BACH2: variants seen among roughly 807,000 people sequenced by gnomAD.
BACH2 encodes the protein transcription regulator protein BACH2.
In BACH2, 5 loss-of-function variants were observed where a neutral mutation model predicts 61.8. The ratio of observed to expected loss-of-function variants is 0.08; its 90% CI spans 0.04 to 0.17. BACH2 has a LOEUF of 0.17. Ranked by LOEUF, BACH2 falls within the 10% of genes least tolerant of loss-of-function variation. The pLI is 1.00. For missense variants in BACH2, 824 were observed against 1,091.1 expected, an observed-to-expected ratio of 0.76 and a Z score of 3.45; for synonymous variants, 446 against 440.1, an observed-to-expected ratio of 1.01 and a Z score of -0.17.
chr6:90,159,959 A>AT (rs1278766914), intron 4 of BACH2, among the ~76,000 whole-genome samples: 2 of 152,164 alleles, frequency 1.3e-5, no homozygotes, highest in Non-Finnish European at 2.9e-5. Flanking sequence ...AGGAATCATA[A>AT]TTTTTTTCAA....
intron 4 of BACH2, among the ~76,000 whole-genome samples, chr6:90,185,691 T>C (rs905128187): frequency 1.3e-5 from 2 of 152,182 alleles, no homozygotes; most frequent in Non-Finnish European, 2.9e-5. Context: ...TTATGAGGGT[T>C]GGGGAAGGCC....
Position 89,959,203 on chromosome 6 carries a change from C to T in BACH2, c.244-7341G>A, listed in dbSNP as rs993744446. Among the ~76,000 whole-genome samples, 6 of 151,700 alleles carry T rather than the reference C, an allele frequency of 4.0e-5. No homozygotes were observed. The East Asian group carries it at 1.2e-3, about 30-fold the overall frequency. On this transcript the variant is annotated intron_variant, in intron 6 of 8. Coordinates refer to ENST00000257749, the MANE Select transcript of BACH2 (RefSeq NM_021813.4). ...CCCTGATTTGAGGAGGGGGTGATGG[C>T]ATCCCAGGGTGGAGGTCAAACAGTA...
At chr6:90,070,918 C>G (rs1224350007) in intron 5 of BACH2, among the ~76,000 whole-genome samples, 1 of 152,212 alleles carries the variant, frequency 6.6e-6, no homozygotes, top group East Asian at 1.9e-4. Context: ...GACACCCTCT[C>G]CATTCCTCAT....
intron 7 of BACH2, among the ~76,000 whole-genome samples, chr6:89,943,188 C>T (rs1178678833): frequency 6.6e-6 from 1 of 152,118 alleles, no homozygotes; most frequent in Non-Finnish European, 1.5e-5. Flanking sequence ...CCAGGTGTGA[C>T]ATCTGGACAG....
At chr6:90,201,450 T>C (rs1043775742) in intron 4 of BACH2, among the ~76,000 whole-genome samples, 1 of 152,230 alleles carries the variant, frequency 6.6e-6, no homozygotes, top group African/African-American at 2.4e-5. Flanking sequence ...ATTTTTCTTC[T>C]ATTTTGTTGA....
chr6:90,257,237 T>C (rs1461623676), intron 2 of BACH2, among the ~76,000 whole-genome samples: 2 of 152,234 alleles, frequency 1.3e-5, no homozygotes, highest in African/African-American at 4.8e-5. Flanking sequence ...TTTGGGTATA[T>C]GCCCAGAAAA....
chr6:90,129,066 GTGGGGA>G (rs1416136493), intron 4 of BACH2, among the ~76,000 whole-genome samples: 2 of 151,974 alleles, frequency 1.3e-5, no homozygotes, highest in African/African-American at 4.8e-5. Flanking sequence ...CTGTTGTGGG[GTGGGGA>G]TGGGGGAAGG....
chr6:89,975,459 T>A (rs1426785454), intron 6 of BACH2, among the ~76,000 whole-genome samples: 4 of 152,216 alleles, frequency 2.6e-5, no homozygotes, highest in Non-Finnish European at 4.4e-5. Context: ...TCCATTAAAG[T>A]CCCTCAGCTT....
At chr6:90,242,724 T>C (rs925158823) in intron 3 of BACH2, among the ~76,000 whole-genome samples, 19 of 152,032 alleles carry the variant, frequency 1.2e-4, no homozygotes, top group Admixed American at 7.2e-4. Flanking sequence ...TACCAAAGTG[T>C]AACTTAATAT....
At chr6:90,105,638 C>A (rs775245499) in intron 4 of BACH2, among the ~76,000 whole-genome samples, 6 of 152,206 alleles carry the variant, frequency 3.9e-5, no homozygotes, top group Non-Finnish European at 7.3e-5. Context: ...TAAAGGCCCA[C>A]ACATATTACA....
intron 3 of BACH2, among the ~76,000 whole-genome samples, chr6:90,223,715 T>C (rs1434641027): frequency 6.6e-6 from 1 of 152,008 alleles, no homozygotes; most frequent in African/African-American, 2.4e-5. Context: ...ACTCAAGCAA[T>C]CCACCTGCCC....
At chr6:90,134,500 T>A (rs138954579) in intron 4 of BACH2, among the ~76,000 whole-genome samples, 1,807 of 151,946 alleles carry the variant, frequency 0.012, 45 homozygotes, top group African/African-American at 0.041. Flanking sequence ...GAGGCAGGAG[T>A]AGCCTGGAGC....
At chr6:89,965,455 A>C (rs1368922990) in intron 6 of BACH2, among the ~76,000 whole-genome samples, 1 of 152,236 alleles carries the variant, frequency 6.6e-6, no homozygotes, top group Non-Finnish European at 1.5e-5. Flanking sequence ...ACCAATATCA[A>C]ACTTGCTGGG....
At chr6:90,080,671 CAATT>C in intron 5 of BACH2, 2 of 817,790 alleles carry the variant, frequency 2.4e-6, no homozygotes, top group Non-Finnish European at 3.0e-6. Flanking sequence ...ATGCAGGTAA[CAATT>C]AATATTTAAA....
At chr6:90,080,950 G>A (rs1278064100) in intron 5 of BACH2, among the ~76,000 whole-genome samples, 1 of 152,072 alleles carries the variant, frequency 6.6e-6, no homozygotes, top group Non-Finnish European at 1.5e-5. Context: ...AAAAACACAG[G>A]CAATTAAGTA....
intron 4 of BACH2, among the ~76,000 whole-genome samples, chr6:90,169,943 C>T (rs1034930065): frequency 6.6e-6 from 1 of 152,154 alleles, no homozygotes; most frequent in Admixed American, 6.6e-5. Context: ...AAACATTTTC[C>T]AGTTTCATGC....
chr6:90,036,472 T>C (rs1779268277), intron 5 of BACH2, among the ~76,000 whole-genome samples: 1 of 152,186 alleles, frequency 6.6e-6, no homozygotes, highest in Non-Finnish European at 1.5e-5. Context: ...TTTTCTAACA[T>C]ATTATGAACA....
chr6:89,991,848 A>T (rs1345837827), intron 6 of BACH2, among the ~76,000 whole-genome samples: 1 of 152,116 alleles, frequency 6.6e-6, no homozygotes, highest in African/African-American at 2.4e-5. Flanking sequence ...AGTTCAGGCC[A>T]GTTGTCTTAA....
At chr6:90,223,419 A>C (rs1333552724) in intron 3 of BACH2, among the ~76,000 whole-genome samples, 1 of 152,208 alleles carries the variant, frequency 6.6e-6, no homozygotes, top group Non-Finnish European at 1.5e-5. Context: ...CATATAATGT[A>C]TTCAATGGCA....
Sources: allele counts gnomAD v4.1 joint callset (sites outside exome capture counted in the v4.1 genomes callset), GRCh38; gene constraint gnomAD v4.1.1; transcripts MANE v1.5; gene names NCBI Gene and HGNC (gene_info 2026-07-23, HGNC 2026-07-21).